CHST6: variants seen among roughly 807,000 people sequenced by gnomAD.
CHST6 encodes carbohydrate sulfotransferase 6.
For missense variants in CHST6, 698 were observed against 586.2 expected (o/e 1.19, Z -1.97); for synonymous variants, 309 against 276.4 (o/e 1.12, Z -1.17).
chr16:75,488,422 ATG>A (rs2151671753), intron 1 of CHST6, among the ~76,000 whole-genome samples: 1 of 151,070 alleles, frequency 6.6e-6, no homozygotes, highest in Non-Finnish European at 1.5e-5. Flanking sequence ...AGCAGAGATC[ATG>A]AGCCATTGCA....
intron 1 of CHST6, among the ~76,000 whole-genome samples, chr16:75,484,819 G>C (rs1278912331): frequency 6.6e-6 from 1 of 152,104 alleles, no homozygotes; most frequent in African/African-American, 2.4e-5. Context: ...ACTCCAGCCT[G>C]GGCGACAGAG....
Position 75,481,820 on chromosome 16 carries a change from T to C in CHST6, c.-20A>G. 1 of 567,170 alleles carries C rather than the reference T, an allele frequency of 1.8e-6. No individual in the cohort carries two copies. Among genetic ancestry groups the C allele is most frequent in the South Asian group, 1.5e-5 (1 of 66,316 alleles). 35.1% of individuals were successfully genotyped at this position (567,170 alleles called of 1,614,324 possible). A position where few individuals can be genotyped will look rare whatever the true frequency, so the allele number is the denominator to read the frequency against. ...CCGGCCAGCTGAGGGGACTCACCAC[T>C]GTCCAGGGCTGCTGGGAGAGCTGCA... On this transcript the variant is annotated 5_prime_UTR_variant, in exon 2 of 3. Coordinates refer to ENST00000332272, the MANE Select transcript of CHST6 (RefSeq NM_021615.5).
rs2080294862 is a variant in CHST6 at position 75,495,031 on chromosome 16, T to C, written c.-183A>G. 1.3e-5 allele frequency: 2 copies of C among 152,550 alleles called. No homozygotes were observed. The highest frequency in any genetic ancestry group is 2.9e-5 in the Non-Finnish European group (2 of 68,330). 9.4% of individuals were successfully genotyped at this position (152,550 alleles called of 1,614,324 possible). A position where few individuals can be genotyped will look rare whatever the true frequency, so the allele number is the denominator to read the frequency against. On this transcript the variant is annotated 5_prime_UTR_variant, in exon 1 of 3. Coordinates refer to ENST00000332272, the MANE Select transcript of CHST6 (RefSeq NM_021615.5). Reference sequence around the variant, plus strand: ...AGCAAAGGCTCCCAAACGTCGTCTCTTCCAAATTCCACCGCACAGCCAGCT... The same window carrying C: ...AGCAAAGGCTCCCAAACGTCGTCTCCTCCAAATTCCACCGCACAGCCAGCT...
At chr16:75,482,278 G>T (rs1328729011) in intron 1 of CHST6, among the ~76,000 whole-genome samples, 1 of 152,196 alleles carries the variant, frequency 6.6e-6, no homozygotes, top group Non-Finnish European at 1.5e-5. Flanking sequence ...GTCGGGTATG[G>T]AGGTTCATGC....
rs1306408953 is a variant in CHST6, at chr16:75,477,078, A to C, written c.*1563T>G. ...ACTCTTAAGGTATTTTGTTATAACC[A>C]CCTGAACAAGAACAAAGACATTCTC... On this transcript the variant is annotated 3_prime_UTR_variant, in exon 3 of 3. Coordinates refer to ENST00000332272, the MANE Select transcript of CHST6 (RefSeq NM_021615.5). 1 of 152,210 alleles carries C rather than the reference A, an allele frequency of 6.6e-6. No homozygotes were observed. The highest frequency in any genetic ancestry group is 1.5e-5 in the Non-Finnish European group (1 of 68,032). 9.4% of individuals were successfully genotyped at this position (152,210 alleles called of 1,614,324 possible). A position where few individuals can be genotyped will look rare whatever the true frequency, so the allele number is the denominator to read the frequency against.
chr16:75,479,591 G>C lies in CHST6; in HGVS notation c.238C>G (p.Leu80Val). ...MEPAWHVWTT[L>V]SQGSAATLHM... The stretch of plus-strand genomic sequence containing the variant: ...AGCGTTGCGGCGCTGCCCTGCGACA[G>C]GGTGGTCCACACGTGCCACGCGGGC... Residue 80 changes from leucine to valine, a missense_variant, in exon 3 of 3, where the codon CTG (leucine) becomes GTG (valine). Physicochemically the swap from Leu to Val is conservative, Grantham distance 32. Coordinates refer to ENST00000332272, the MANE Select transcript of CHST6 (RefSeq NM_021615.5). The C allele has an allele frequency of 6.2e-7, 1 of 1,612,964 alleles. No homozygotes were observed. Among genetic ancestry groups the C allele is most frequent in the Non-Finnish European group, 8.5e-7 (1 of 1,179,884 alleles).
intron 1 of CHST6, among the ~76,000 whole-genome samples, chr16:75,494,198 AGTGAGGGGT>A (rs2080286025): frequency 6.6e-6 from 1 of 152,076 alleles, no homozygotes; most frequent in South Asian, 2.1e-4. Context: ...CTCTACTACC[AGTGAGGGGT>A]GTGACTTAGA....
chr16:75,479,528 G>A lies in CHST6; in HGVS notation c.301C>T (p.Leu101=), dbSNP rs373160858. 508 of 1,612,974 alleles carry A rather than the reference G, an allele frequency of 3.1e-4. No individual in the cohort carries two copies. Among genetic ancestry groups the A allele is most frequent in the South Asian group, 1.0e-3 (95 of 91,084 alleles). ...AVRDLVRSVF[L]CDMDVFDAYL... ...GCATCAAACACGTCCATGTCGCACA[G>A]GAAGACGGAGCGCACCAGGTCGCGC... Residue 101 remains leucine, a synonymous_variant, in exon 3 of 3, where the codon CTG becomes TTG. Transcript: ENST00000332272.
rs1464704075 is a variant in CHST6, at chr16:75,478,989, C to T, written c.840G>A (p.Pro280=). ...LVRFEDLARE[P]LAEIRALYAF... The stretch of plus-strand genomic sequence containing the variant: ...CGTAGAGCGCACGGATTTCTGCCAG[C>T]GGCTCCCGCGCCAGGTCCTCGAAGC... The change falls in exon 3 of 3, where the codon CCG becomes CCA. Residue 280 remains proline (P), a synonymous_variant. Coordinates refer to ENST00000332272, the MANE Select transcript of CHST6 (RefSeq NM_021615.5). 2 of 1,612,364 alleles carry T rather than the reference C, an allele frequency of 1.2e-6. No individual in the cohort carries two copies. The highest frequency in any genetic ancestry group is 2.2e-5 in the East Asian group (1 of 44,884).
chr16:75,474,546 G>C lies in CHST6; in HGVS notation c.*4095C>G. The C allele has an allele frequency of 2.5e-6, 1 of 398,276 alleles. No homozygotes were observed. The highest frequency in any genetic ancestry group is 4.4e-6 in the Non-Finnish European group (1 of 226,004). The allele number at this position is 398,276 out of a possible 1,614,324, so 24.7% of individuals were successfully genotyped here. A position where few individuals can be genotyped will look rare whatever the true frequency, so the allele number is the denominator to read the frequency against. On this transcript the variant is annotated 3_prime_UTR_variant, in exon 3 of 3. Coordinates refer to ENST00000332272, the MANE Select transcript of CHST6 (RefSeq NM_021615.5). ...CTGCCTCAGCCTTGCAAAGTATTGGGATTACAGGCGTGAGCCACTGAACCC... is the reference window on the plus strand; with the variant it reads ...CTGCCTCAGCCTTGCAAAGTATTGGCATTACAGGCGTGAGCCACTGAACCC...
chr16:75,493,202 C>G (rs140458430), intron 1 of CHST6, among the ~76,000 whole-genome samples: 1 of 151,858 alleles, frequency 6.6e-6, no homozygotes, highest in East Asian at 1.9e-4. Flanking sequence ...TCCTTCTGTG[C>G]CTGCTTGGTT....
Position 75,479,962 on chromosome 16 carries a change from G to C in CHST6, c.-16-118C>G, listed in dbSNP as rs553662848. On this transcript the variant is annotated intron_variant, in intron 2 of 2. Coordinates refer to ENST00000332272, the MANE Select transcript of CHST6 (RefSeq NM_021615.5). Reference sequence around the variant, plus strand: ...CCAGACCCGAGCATCCCATGAACATGATGGTCTCAGTGGGGAGCTCTCCCG... The same window carrying C: ...CCAGACCCGAGCATCCCATGAACATCATGGTCTCAGTGGGGAGCTCTCCCG... 352 of 837,488 alleles carry C rather than the reference G, an allele frequency of 4.2e-4. 1 individual carries two copies. In the African/African-American group the frequency reaches 5.4e-3, roughly 13 times the overall value. 51.9% of individuals were successfully genotyped at this position (837,488 alleles called of 1,614,324 possible).
rs888053402 is a variant in CHST6, at chr16:75,475,444, T to C, written c.*3197A>G. 6.6e-6 allele frequency: 1 copy of C among 152,292 alleles called. No individual in the cohort carries two copies. The highest frequency in any genetic ancestry group is 2.4e-5 in the African/African-American group (1 of 41,444). 9.4% of individuals were successfully genotyped at this position (152,292 alleles called of 1,614,324 possible). ...TGTCAACACAGCAAACCACTAACAG[T>C]GGTCAATGCAGTCACCCCCACAGCA... On this transcript the variant is annotated 3_prime_UTR_variant, in exon 3 of 3. Coordinates refer to ENST00000332272, the MANE Select transcript of CHST6 (RefSeq NM_021615.5).
intron 1 of CHST6, among the ~76,000 whole-genome samples, chr16:75,487,502 T>C (rs944978333): frequency 3.3e-5 from 5 of 152,010 alleles, no homozygotes; most frequent in Admixed American, 6.6e-5. Flanking sequence ...CCATCTCTAC[T>C]AAAAATACAA....
intron 1 of CHST6, among the ~76,000 whole-genome samples, chr16:75,486,608 A>G (rs1372113706): frequency 6.6e-6 from 1 of 152,220 alleles, no homozygotes; most frequent in Non-Finnish European, 1.5e-5. Flanking sequence ...AGGGAAGAGG[A>G]AACTGCCTAG....
chr16:75,472,312 A>C lies in CHST6; in HGVS notation c.*6329T>G, dbSNP rs1451081564. 1 of 152,162 alleles carries C rather than the reference A, an allele frequency of 6.6e-6. No homozygotes were observed. Among genetic ancestry groups the C allele is most frequent in the Non-Finnish European group, 1.5e-5 (1 of 68,032 alleles). The allele number at this position is 152,162 out of a possible 1,614,324, so 9.4% of individuals were successfully genotyped here. On this transcript the variant is annotated 3_prime_UTR_variant, in exon 3 of 3. Transcript: ENST00000332272. ...CTTTTTTTTTAAGAAGCCTGAGGGG[A>C]AAATGCCATAAAGTAAGTTAACAAA...
At chr16:75,484,255 T>C in intron 1 of CHST6, among the ~76,000 whole-genome samples, 1 of 152,016 alleles carries the variant, frequency 6.6e-6, no homozygotes, top group East Asian at 1.9e-4. Flanking sequence ...GAGAATTGCT[T>C]GAATCCAGGA....
In CHST6 at chr16:75,478,527, T is replaced by A; in HGVS notation, c.*114A>T. On this transcript the variant is annotated 3_prime_UTR_variant, in exon 3 of 3. Transcript: ENST00000332272. ...TTGCCTACTTGGGGAGGGGGAGGGG[T>A]CGTACCACAAACTCCTTGGTCAATA... is the stretch of plus-strand genomic sequence containing the variant. The A allele has an allele frequency of 1.9e-6, 2 of 1,026,000 alleles. No individual in the cohort carries two copies. The highest frequency in any genetic ancestry group is 1.5e-6 in the Non-Finnish European group (1 of 659,842). 63.6% of individuals were successfully genotyped at this position (1,026,000 alleles called of 1,614,324 possible).
At chr16:75,489,121 G>T (rs1037151202) in intron 1 of CHST6, among the ~76,000 whole-genome samples, 2 of 151,592 alleles carry the variant, frequency 1.3e-5, no homozygotes, top group African/African-American at 4.9e-5. Flanking sequence ...AAGGGAGGCA[G>T]GGCATGGTGA....
Sources: allele counts gnomAD v4.1 joint callset (sites outside exome capture counted in the v4.1 genomes callset), GRCh38; gene constraint gnomAD v4.1.1; transcripts MANE v1.5; gene names NCBI Gene and HGNC (gene_info 2026-07-23, HGNC 2026-07-21).